Variants in KCNJ10 observed in about 807,000 individuals in gnomAD.
KCNJ10 encodes ATP-sensitive inward rectifier potassium channel 10.
KCNJ10 carries 9 observed loss-of-function variants against 22.2 expected under a neutral mutation model. The observed-to-expected ratio is 0.40, with a 90% CI of 0.24 to 0.71. The LOEUF (loss-of-function observed/expected upper bound fraction) is 0.71. Ranked by LOEUF, KCNJ10 falls within the 30% of genes least tolerant of loss-of-function variation. The pLI, the probability that KCNJ10 is intolerant of heterozygous loss-of-function variation, is 0.35. For synonymous variants in KCNJ10, 184 were observed against 187.3 expected, an observed-to-expected ratio of 0.98 and a Z score of 0.15; for missense variants, 337 against 482.7, an observed-to-expected ratio of 0.70 and a Z score of 2.83.
intron 1 of KCNJ10, among the ~76,000 whole-genome samples, chr1:160,063,074 A>G (rs1215205751): frequency 6.6e-6 from 1 of 152,130 alleles, no homozygotes; most frequent in African/African-American, 2.4e-5. Flanking sequence ...TCTTCCCAGT[A>G]TATGTCTAAC....
chr1:160,044,283 G>A (rs1648685588), intron 1 of KCNJ10, among the ~76,000 whole-genome samples: 1 of 152,104 alleles, frequency 6.6e-6, no homozygotes, highest in South Asian at 2.1e-4. Context: ...GGCTGCTTTG[G>A]AACAAAAAGG....
In KCNJ10 at chr1:160,041,908, T is replaced by A; in HGVS notation, c.625A>T (p.Ile209Phe). Residue 209 changes from isoleucine to phenylalanine, a missense_variant, in exon 2 of 2, where the codon ATT becomes TTT. Ile to Phe is a conservative substitution (Grantham distance 21). Coordinates refer to ENST00000644903, the MANE Select transcript of KCNJ10 (RefSeq NM_002241.5). This position sits in a 1 kb window ranked among gnomAD's most constrained non-coding sequence, Gnocchi z 4.4. ...AGTTTTCCTGTCACCTGGCAGCCAA[T>A]GAGGAGGCTTTTGCGCATATTGGCA... Reference protein sequence around the residue: ...RVANMRKSLLIGCQVTGKLLQ... With the variant: ...RVANMRKSLLFGCQVTGKLLQ... 6.2e-7 allele frequency: 1 copy of A among 1,614,064 alleles called. No individual in the cohort carries two copies. The highest frequency in any genetic ancestry group is 8.5e-7 in the Non-Finnish European group (1 of 1,179,970).
At chr1:160,046,746 CTCCA>C (rs1166088288) in intron 1 of KCNJ10, among the ~76,000 whole-genome samples, 3 of 152,332 alleles carry the variant, frequency 2.0e-5, no homozygotes, top group Admixed American at 6.5e-5. Flanking sequence ...ATCAGCTACA[CTCCA>C]CCCCAAAGCT....
chr1:160,037,475 A>G lies in KCNJ10; in HGVS notation c.*3918T>C, dbSNP rs894649981. 4.6e-5 allele frequency: 7 copies of G among 152,242 alleles called. No individual in the cohort carries two copies. Among genetic ancestry groups the G allele is most frequent in the African/African-American group, 1.4e-4 (6 of 41,462 alleles). 9.4% of individuals were successfully genotyped at this position (152,242 alleles called of 1,614,324 possible). ...TTTAAAAGAAGCTAGAGTGACAACC[A>G]AAGAGTCATCCATTTTATTTAGTAG... is the stretch of plus-strand genomic sequence containing the variant. On this transcript the variant is annotated 3_prime_UTR_variant, in exon 2 of 2. Transcript: ENST00000644903.
At chr1:160,068,926 A>C (rs890331659) in intron 1 of KCNJ10, among the ~76,000 whole-genome samples, 2 of 152,152 alleles carry the variant, frequency 1.3e-5, no homozygotes, top group African/African-American at 2.4e-5. Flanking sequence ...ATCTCCTGTC[A>C]TTATCTCCCT....
At chr1:160,062,891 C>T (rs2101935336) in intron 1 of KCNJ10, among the ~76,000 whole-genome samples, 1 of 152,230 alleles carries the variant, frequency 6.6e-6, no homozygotes. Flanking sequence ...TTGAGATCTC[C>T]ACCTGCTCTG....
intron 1 of KCNJ10, among the ~76,000 whole-genome samples, chr1:160,060,649 C>G (rs1649168874): frequency 6.6e-6 from 1 of 152,222 alleles, no homozygotes; most frequent in Non-Finnish European, 1.5e-5. Flanking sequence ...CATCCACCCT[C>G]CCAGGCCCCA....
At chr1:160,068,681 A>G (rs1571278276) in intron 1 of KCNJ10, among the ~76,000 whole-genome samples, 1 of 152,074 alleles carries the variant, frequency 6.6e-6, no homozygotes, top group African/African-American at 2.4e-5. Flanking sequence ...GGTCCCCTAT[A>G]CCCAGTCTAC....
chr1:160,054,024 T>C (rs946336413), intron 1 of KCNJ10, among the ~76,000 whole-genome samples: 1 of 152,272 alleles, frequency 6.6e-6, no homozygotes, highest in Middle Eastern at 3.4e-3. Context: ...CGGTGCCTTC[T>C]GTCCCCTGCA....
chr1:160,044,637 G>T (rs1057402820), intron 1 of KCNJ10: 1 of 152,150 alleles, frequency 6.6e-6, no homozygotes, highest in Non-Finnish European at 1.5e-5. Flanking sequence ...GGAATATTAA[G>T]ATTACGAGTA....
intron 1 of KCNJ10, among the ~76,000 whole-genome samples, chr1:160,069,008 G>T (rs1345304207): frequency 6.6e-6 from 1 of 152,198 alleles, no homozygotes; most frequent in Non-Finnish European, 1.5e-5. Context: ...GAGCAGACTG[G>T]CCAGACATCT....
intron 1 of KCNJ10, among the ~76,000 whole-genome samples, 178 bp from the exon 2 acceptor site, chr1:160,042,710 G>A (rs929181010): frequency 6.6e-6 from 1 of 152,152 alleles, no homozygotes; most frequent in Non-Finnish European, 1.5e-5. Flanking sequence ...GCCGAGGCGG[G>A]TGGATCGCCT....
Position 160,041,299 on chromosome 1 carries a change from CG to C in KCNJ10, c.*93del. 7.8e-7 allele frequency: 1 copy of C among 1,279,222 alleles called. No homozygotes were observed. The allele number at this position is 1,279,222 out of a possible 1,614,324, so 79.2% of individuals were successfully genotyped here. A position where few individuals can be genotyped will look rare whatever the true frequency, so the allele number is the denominator to read the frequency against. On this transcript the variant is annotated 3_prime_UTR_variant, in exon 2 of 2. Transcript: ENST00000644903. The surrounding 1 kb of genome is among the most constrained non-coding windows in gnomAD (Gnocchi z 4.4). ...AAGAGGGAGTGGAGGATGGGTGCTTCGGGGGATCTCCAGTAAACCCGGGTAG... is the reference window on the plus strand; with the variant it reads ...AAGAGGGAGTGGAGGATGGGTGCTTCGGGGATCTCCAGTAAACCCGGGTAG...
intron 1 of KCNJ10, among the ~76,000 whole-genome samples, chr1:160,044,112 A>G (rs546052922): frequency 6.6e-6 from 1 of 152,312 alleles, no homozygotes; most frequent in African/African-American, 2.4e-5. Context: ...CCAACCAGGT[A>G]GGCACTGAAT....
intron 1 of KCNJ10, among the ~76,000 whole-genome samples, chr1:160,046,715 A>G (rs536961957): frequency 6.2e-4 from 95 of 152,260 alleles, no homozygotes; most frequent in Middle Eastern, 3.4e-3. Context: ...TGCGGTGGCC[A>G]GAGTCAGAAG....
intron 1 of KCNJ10, among the ~76,000 whole-genome samples, chr1:160,055,283 C>A (rs1243413528): frequency 1.3e-5 from 2 of 152,256 alleles, no homozygotes; most frequent in East Asian, 3.9e-4. Context: ...CCCCACACAG[C>A]CAGTCTAGGG....
intron 1 of KCNJ10, among the ~76,000 whole-genome samples, chr1:160,056,464 A>T (rs1334538703): frequency 3.3e-5 from 5 of 151,958 alleles, no homozygotes; most frequent in Non-Finnish European, 5.9e-5. Context: ...AGCTCGCTCT[A>T]CCTAGAACAT....
chr1:160,052,362 G>C (rs1648925539), intron 1 of KCNJ10, among the ~76,000 whole-genome samples: 1 of 152,160 alleles, frequency 6.6e-6, no homozygotes, highest in Non-Finnish European at 1.5e-5. Context: ...TCATGCTCAA[G>C]AACCCCAGAT....
intron 1 of KCNJ10, among the ~76,000 whole-genome samples, chr1:160,065,915 C>T (rs1649314185): frequency 6.6e-6 from 1 of 152,036 alleles, no homozygotes; most frequent in Non-Finnish European, 1.5e-5. Flanking sequence ...AAGGAGGCTG[C>T]TGTGGGCATC....
Sources: gnomAD v4.1 joint callset for allele counts (sites outside exome capture counted in the v4.1 genomes callset) on GRCh38, gnomAD v4.1.1 for gene constraint, Gnocchi (gnomAD v3.1) non-coding constraint, MANE v1.5 for transcripts, NCBI Gene and HGNC (gene_info 2026-07-23, HGNC 2026-07-21) for gene names.